The following SEMA4B variants were observed in gnomAD, a reference collection of about 807,000 sequenced individuals.
SEMA4B encodes semaphorin 4B, also known as semaphorin-4B.
SEMA4B carries 55 observed loss-of-function variants against 88.1 expected under a neutral mutation model. That is an observed-to-expected ratio of 0.62 (90% CI 0.50 to 0.78). SEMA4B has a LOEUF of 0.78. Ranked by LOEUF, SEMA4B falls within the 30% of genes least tolerant of loss-of-function variation. The pLI, the probability that SEMA4B is intolerant of heterozygous loss-of-function variation, is 0.00. For synonymous variants in SEMA4B, 525 were observed against 473.6 expected, an observed-to-expected ratio of 1.11 and a Z score of -1.41; for missense variants, 1,062 against 1,111.9, an observed-to-expected ratio of 0.96 and a Z score of 0.64.
chr15:90,220,921 C>T, intron 4 of SEMA4B, 61 bp from the exon 5 acceptor site: 2 of 1,144,534 alleles, frequency 1.7e-6, no homozygotes, highest in Non-Finnish European at 2.6e-6. Context: ...CTCTCTTTCT[C>T]ACCAAGCCTG....
intron 1 of SEMA4B, among the ~76,000 whole-genome samples, chr15:90,186,220 C>T (rs1314681539): frequency 6.6e-6 from 1 of 152,026 alleles, no homozygotes; most frequent in Non-Finnish European, 1.5e-5. Context: ...AGGCTTGAGC[C>T]ACCACGCCTG....
rs140393900 is a variant in SEMA4B, at chr15:90,207,464, G to A, written c.157+5729G>A. On this transcript the variant is annotated intron_variant, in intron 1 of 13. Transcript: ENST00000411539. ...AAGAGCAAATAAAAGCGGCCATTGC[G>A]GTGCACTCCCTGTGTGCCAGGCACT... Among the ~76,000 whole-genome samples the A allele has an allele frequency of 1.2e-4, 19 of 152,268 alleles. No individual in the cohort carries two copies. The East Asian group carries it at 1.4e-3, about 11-fold the overall frequency.
In SEMA4B at chr15:90,223,362, G is replaced by A. The variant is rs75321259; in HGVS notation, c.862-197G>A. Among the ~76,000 whole-genome samples the A allele has an allele frequency of 5.3e-5, 8 of 152,302 alleles. No homozygotes were observed. In the East Asian group the frequency reaches 1.5e-3, roughly 29 times the overall value. Reference sequence around the variant, plus strand: ...TCGCGTCCATATTTAGGAAGGCTCTGCTTAGTTACAGTAAGGACCATCCTC... The same window carrying A: ...TCGCGTCCATATTTAGGAAGGCTCTACTTAGTTACAGTAAGGACCATCCTC... On this transcript the variant is annotated intron_variant, in intron 7 of 13. Transcript: ENST00000411539.
chr15:90,197,251 G>T (rs1011208408), upstream of SEMA4B, among the ~76,000 whole-genome samples: 2 of 152,120 alleles, frequency 1.3e-5, no homozygotes, highest in South Asian at 4.2e-4. Flanking sequence ...TTATCCGAGT[G>T]TGGTGGTGCA....
At position 90,188,961 on chromosome 15, in the gene SEMA4B, G is replaced by A. The variant is rs555334117; in HGVS notation, c.-122+3880G>A. Among the ~76,000 whole-genome samples, 7 of 152,228 alleles carry A rather than the reference G, an allele frequency of 4.6e-5. No homozygotes were observed. The East Asian group carries it at 7.7e-4, about 17-fold the overall frequency. ...TGGGATTATAGGCATGAGCCACCGC[G>A]CCCAGCCAGGATGAATATTCTCTGA... is the stretch of plus-strand genomic sequence containing the variant. On this transcript the variant is annotated intron_variant, in intron 1 of 14. Coordinates refer to the SEMA4B transcript ENST00000332496.
In SEMA4B at chr15:90,212,782, C is replaced by T. The variant is rs940692521; in HGVS notation, c.158-4657C>T. Among the ~76,000 whole-genome samples the T allele has an allele frequency of 4.6e-5, 7 of 152,226 alleles. No individual in the cohort carries two copies. The highest frequency in any genetic ancestry group is 1.2e-4 in the African/African-American group (5 of 41,460). On this transcript the variant is annotated intron_variant, in intron 1 of 13. Coordinates refer to ENST00000411539, the MANE Select transcript of SEMA4B (RefSeq NM_198925.4). The surrounding 1 kb of genome is among the most constrained non-coding windows in gnomAD (Gnocchi z 4.0). ...CTCACACCGAGCACAGACCAGCTCG[C>T]GCCCACAACACGAGCCTGTGACACG...
chr15:90,198,831 G>A (rs1960600412), upstream of SEMA4B, among the ~76,000 whole-genome samples: 1 of 152,202 alleles, frequency 6.6e-6, no homozygotes, highest in South Asian at 2.1e-4. Context: ...AACCCTTGGA[G>A]GGTTTTGAGC....
At position 90,225,805 on chromosome 15, in the gene SEMA4B, T is replaced by TACCAGCCTCA. The variant is rs775123899; in HGVS notation, c.1667_1676dup (p.Leu560ProfsTer41). 6.5e-7 allele frequency: 1 copy of TACCAGCCTCA among 1,548,324 alleles called. No homozygotes were observed. Among genetic ancestry groups the TACCAGCCTCA allele is most frequent in the South Asian group, 1.2e-5 (1 of 83,178 alleles). On this transcript the variant is annotated frameshift_variant, in exon 12 of 14. Coordinates refer to ENST00000411539, the MANE Select transcript of SEMA4B (RefSeq NM_198925.4). LOFTEE classifies it high-confidence loss of function. Reference sequence around the variant, plus strand: ...CTCCAGCTGCAAGCACGTCAGCCTCTACCAGCCTCAGCTGGCCACCAGGTG... The same window carrying TACCAGCCTCA: ...CTCCAGCTGCAAGCACGTCAGCCTCTACCAGCCTCAACCAGCCTCAGCTGGCCACCAGGTG...
chr15:90,226,676 T>C lies in SEMA4B; in HGVS notation c.1688+849T>C, dbSNP rs140323573. On this transcript the variant is annotated intron_variant, in intron 12 of 13. Coordinates refer to ENST00000411539, the MANE Select transcript of SEMA4B (RefSeq NM_198925.4). ...ATATTTTATATAACATTGGCAACTG[T>C]CCTGTTTGTAGTGTTCTTGCTTCAC... Among the ~76,000 whole-genome samples the C allele has an allele frequency of 2.2e-3, 340 of 152,298 alleles. 4 individuals carry two copies. The highest frequency in any genetic ancestry group is 7.8e-3 in the African/African-American group (324 of 41,572).
At chr15:90,201,259 A>G (rs1385841775), upstream of SEMA4B, 3 of 986,938 alleles carry the variant, frequency 3.0e-6, no homozygotes, top group Non-Finnish European at 3.7e-6. Context: ...GCGCCCGGGA[A>G]GGAGGAAGGG....
At position 90,208,967 on chromosome 15, in the gene SEMA4B, C is replaced by T. The variant is rs534081896; in HGVS notation, c.157+7232C>T. On this transcript the variant is annotated intron_variant, in intron 1 of 13. Coordinates refer to ENST00000411539, the MANE Select transcript of SEMA4B (RefSeq NM_198925.4). Reference sequence around the variant, plus strand: ...ATGTTGCCCAGGCTGGTCTCGAGCTCCTGTCAGCTGTTATACTTCTATGTG... The same window carrying T: ...ATGTTGCCCAGGCTGGTCTCGAGCTTCTGTCAGCTGTTATACTTCTATGTG... Among the ~76,000 whole-genome samples, 40 of 152,126 alleles carry T rather than the reference C, an allele frequency of 2.6e-4. No individual in the cohort carries two copies. In the East Asian group the frequency reaches 5.4e-3, roughly 21 times the overall value.
chr15:90,229,401 C>G lies in SEMA4B; in HGVS notation c.*758C>G. On this transcript the variant is annotated 3_prime_UTR_variant, in exon 14 of 14. Coordinates refer to ENST00000411539, the MANE Select transcript of SEMA4B (RefSeq NM_198925.4). ...GGAAGAGACTGTCGCCTGCCTTCCT[C>G]CGTTGTTGCGTGAGAACCCGTGTGC... 2.2e-6 allele frequency: 1 copy of G among 456,692 alleles called. No individual in the cohort carries two copies. 28.3% of individuals were successfully genotyped at this position (456,692 alleles called of 1,614,324 possible).
At chr15:90,206,377 T>C (rs1960989985) in intron 1 of SEMA4B, among the ~76,000 whole-genome samples, 1 of 152,180 alleles carries the variant, frequency 6.6e-6, no homozygotes, top group Non-Finnish European at 1.5e-5. Context: ...TCCATGCTTT[T>C]CCCCAGCTGG....
chr15:90,225,672 T>C lies in SEMA4B; in HGVS notation c.1533T>C (p.Tyr511=). ...LLLDTHRGLL[Y]AASHSGVVQV... ...GTCTGGCTGTGCAGGGGCTGCTGTA[T>C]GCGGCCTCACACTCGGGCGTAGTCC... Residue 511 remains tyrosine (Y), a synonymous_variant, in exon 12 of 14, where the codon TAT becomes TAC. Transcript: ENST00000411539. 4 of 1,565,390 alleles carry C rather than the reference T, an allele frequency of 2.6e-6. No homozygotes were observed. Among genetic ancestry groups the C allele is most frequent in the Non-Finnish European group, 3.5e-6 (4 of 1,156,064 alleles).
At chr15:90,195,377 C>A (rs1386780020) in intron 1 of SEMA4B, among the ~76,000 whole-genome samples, 1 of 152,124 alleles carries the variant, frequency 6.6e-6, no homozygotes, top group Non-Finnish European at 1.5e-5. Context: ...CAGGTGTCAG[C>A]CACCTCGCCT....
intron 1 of SEMA4B, among the ~76,000 whole-genome samples, chr15:90,207,966 A>G (rs1363199256): frequency 6.6e-6 from 1 of 152,180 alleles, no homozygotes. Flanking sequence ...GAAAAATTTT[A>G]ATTAGGCCAG....
At chr15:90,207,500 G>A (rs926300503) in intron 1 of SEMA4B, among the ~76,000 whole-genome samples, 6 of 152,218 alleles carry the variant, frequency 3.9e-5, no homozygotes, top group South Asian at 2.1e-4. Flanking sequence ...GCTGTTGGAT[G>A]TGGAAGTGCA....
Position 90,228,010 on chromosome 15 carries a change from C to CTA in SEMA4B, c.1881_1882insTA (p.Pro628TyrfsTer33), listed in dbSNP as rs1962265903. On this transcript the variant is annotated frameshift_variant, in exon 14 of 14. Coordinates refer to ENST00000411539, the MANE Select transcript of SEMA4B (RefSeq NM_198925.4). LOFTEE classifies it high-confidence loss of function. Reference sequence around the variant, plus strand: ...CCCGACTCTGGCTACGCAACGGGGCCCCCGTCAATGCCTCGGCCTCCTGCC... The same window carrying CTA: ...CCCGACTCTGGCTACGCAACGGGGCCTACCCGTCAATGCCTCGGCCTCCTGCC... 1.9e-6 allele frequency: 3 copies of CTA among 1,613,820 alleles called. No homozygotes were observed. The highest frequency in any genetic ancestry group is 2.5e-6 in the Non-Finnish European group (3 of 1,179,896).
Position 90,217,541 on chromosome 15 carries a change from G to T in SEMA4B, c.260G>T (p.Arg87Leu), listed in dbSNP as rs775977057. 2 of 1,613,824 alleles carry T rather than the reference G, an allele frequency of 1.2e-6. No individual in the cohort carries two copies. The highest frequency in any genetic ancestry group is 1.1e-5 in the South Asian group (1 of 91,088). The change falls in exon 2 of 14, where the codon CGA becomes CTA. Residue 87 changes from arginine to leucine, a missense_variant. Physicochemically the swap from Arg to Leu is moderately radical, Grantham distance 102. Coordinates refer to ENST00000411539, the MANE Select transcript of SEMA4B (RefSeq NM_198925.4). ...GGCAGGACCCTGTACGTGGGTGCTC[G>T]AGAGGCCCTCTTTGCACTCAGTAGC... The part of the protein sequence containing the change: ...RDGRTLYVGA[R>L]EALFALSSNL...
Sources: allele counts gnomAD v4.1 joint callset (sites outside exome capture counted in the v4.1 genomes callset), GRCh38; gene constraint gnomAD v4.1.1; non-coding constraint Gnocchi (gnomAD v3.1); transcripts MANE v1.5; gene names NCBI Gene and HGNC (gene_info 2026-07-23, HGNC 2026-07-21).